Variants in MYH16 observed in about 807,000 individuals in gnomAD.
MYH16 encodes the protein myosin heavy chain 16.
At chr7:99,302,326 A>ACACG (rs1792610397) in intron 38 of MYH16, among the ~76,000 whole-genome samples, 2 of 139,154 alleles carry the variant, frequency 1.4e-5, no homozygotes, top group Non-Finnish European at 3.1e-5. Flanking sequence ...ATACACACAC[A>ACACG]CACACACACA....
intron 20 of MYH16, among the ~76,000 whole-genome samples, chr7:99,276,174 G>A (rs1370423562): frequency 6.6e-6 from 1 of 152,236 alleles, no homozygotes. Flanking sequence ...CTACACAGCG[G>A]CAAAGTATGG....
intron 28 of MYH16, among the ~76,000 whole-genome samples, chr7:99,287,420 G>C (rs1358557853): frequency 3.3e-5 from 5 of 151,442 alleles, no homozygotes; most frequent in Non-Finnish European, 7.4e-5. Flanking sequence ...TGTAATCCCA[G>C]CTACTTGGGA....
chr7:99,304,173 T>C (rs991006624), intron 39 of MYH16, among the ~76,000 whole-genome samples: 5 of 152,036 alleles, frequency 3.3e-5, no homozygotes, highest in Non-Finnish European at 7.4e-5. Context: ...TCATGAACAT[T>C]TGTAGAATGA....
exon 29 of MYH16, chr7:99,287,909 G>T (rs550317092): frequency 4.0e-5 from 18 of 455,664 alleles, no homozygotes; most frequent in African/African-American, 3.2e-4. Flanking sequence ...AGAACCGCAA[G>T]CGGGAGGCTG....
At chr7:99,270,040 A>AT (rs1197585423) in intron 18 of MYH16, among the ~76,000 whole-genome samples, 2 of 151,082 alleles carry the variant, frequency 1.3e-5, no homozygotes, top group Admixed American at 6.6e-5. Context: ...TGCCTGGCTA[A>AT]TTTTTTGTAT....
chr7:99,306,242 A>G (rs1306325464), intron 41 of MYH16, among the ~76,000 whole-genome samples: 1 of 152,158 alleles, frequency 6.6e-6, no homozygotes, highest in Non-Finnish European at 1.5e-5. Context: ...AAGAACTTGT[A>G]AAGAGGCCAG....
At chr7:99,242,937 G>A (rs979032064) in intron 1 of MYH16, among the ~76,000 whole-genome samples, 27 of 152,248 alleles carry the variant, frequency 1.8e-4, no homozygotes, top group African/African-American at 6.5e-4. Flanking sequence ...GATTTGGCTG[G>A]AAGAGAAGCA....
At chr7:99,259,853 A>G (rs1326421918) in intron 11 of MYH16, among the ~76,000 whole-genome samples, 1 of 148,592 alleles carries the variant, frequency 6.7e-6, no homozygotes. Context: ...GTATGTGTAT[A>G]TATATATATA....
intron 5 of MYH16, among the ~76,000 whole-genome samples, chr7:99,250,459 G>A (rs528260135): frequency 3.3e-4 from 51 of 152,318 alleles, no homozygotes; most frequent in African/African-American, 1.2e-3. Context: ...GGCTGACAGC[G>A]GCCAGGCGCA....
intron 24 of MYH16, 44 bp downstream of exon 6, chr7:99,283,695 A>C (rs1457938056): frequency 2.2e-6 from 1 of 456,490 alleles, no homozygotes; most frequent in Admixed American, 2.3e-5. Context: ...CCAAGGCCAG[A>C]TCCCTCTGGG....
At chr7:99,296,448 C>T (rs544091416) in intron 33 of MYH16, among the ~76,000 whole-genome samples, 1 of 151,928 alleles carries the variant, frequency 6.6e-6, no homozygotes, top group East Asian at 1.9e-4. Context: ...AGAATTCTAA[C>T]CTGGGAAAAT....
chr7:99,299,413 C>T (rs1792554628), intron 36 of MYH16, 53 bp from the exon 18 acceptor site: 1 of 152,558 alleles, frequency 6.6e-6, no homozygotes, highest in Non-Finnish European at 1.5e-5. Flanking sequence ...AGGCTTAGCA[C>T]AGACTGAACA....
chr7:99,263,565 AAGTG>A (rs982837141), intron 14 of MYH16: 15 of 152,562 alleles, frequency 9.8e-5, no homozygotes, highest in South Asian at 4.2e-4. Flanking sequence ...CTTGTGGAAT[AAGTG>A]AGTGAGTAAG....
At chr7:99,252,249 C>T (rs1045387126) in intron 6 of MYH16, among the ~76,000 whole-genome samples, 14 of 152,114 alleles carry the variant, frequency 9.2e-5, no homozygotes, top group East Asian at 1.9e-4. Context: ...CCACCTGAGA[C>T]GCCAACTTGA....
At chr7:99,301,093 G>A (rs1361771738) in intron 37 of MYH16, among the ~76,000 whole-genome samples, 1 of 149,324 alleles carries the variant, frequency 6.7e-6, no homozygotes, top group Non-Finnish European at 1.5e-5. Context: ...TACTTGGGAA[G>A]GTGAGGCAGG....
intron 18 of MYH16, among the ~76,000 whole-genome samples, chr7:99,267,279 A>G (rs1474713615): frequency 6.6e-6 from 1 of 152,206 alleles, no homozygotes; most frequent in African/African-American, 2.4e-5. Flanking sequence ...GTCTTCCTGG[A>G]GTGCAGTGGT....
chr7:99,299,321 G>A (rs960196706), intron 36 of MYH16, 145 bp from the exon 18 acceptor site: 1 of 152,050 alleles, frequency 6.6e-6, no homozygotes, highest in Non-Finnish European at 1.5e-5. Flanking sequence ...CCTCATCCCT[G>A]TCTTGCACCT....
intron 3 of MYH16, among the ~76,000 whole-genome samples, chr7:99,248,338 G>A (rs181378843): frequency 1.6e-3 from 243 of 152,276 alleles, no homozygotes; most frequent in Admixed American, 2.8e-3. Context: ...CTGACATCAG[G>A]TGATCCACCC....
At chr7:99,299,269 A>G (rs987094318) in intron 36 of MYH16, 197 bp from the exon 18 acceptor site, 1 of 152,040 alleles carries the variant, frequency 6.6e-6, no homozygotes, top group Non-Finnish European at 1.5e-5. Flanking sequence ...TGACTCTAAA[A>G]CAACAAAATG....
Sources: allele counts gnomAD v4.1 joint callset (sites outside exome capture counted in the v4.1 genomes callset), GRCh38; gene constraint gnomAD v4.1.1; transcripts MANE v1.5; gene names NCBI Gene and HGNC (gene_info 2026-07-23, HGNC 2026-07-21).